IFNLR1: variants seen among roughly 807,000 people sequenced by gnomAD.
IFNLR1 encodes CRF2-12.
In IFNLR1, 28 loss-of-function variants were observed where a neutral mutation model predicts 52.5. That is an observed-to-expected ratio of 0.53 (90% confidence interval 0.40 to 0.73). IFNLR1 has a LOEUF of 0.73. IFNLR1 is among the 30% of genes least tolerant of loss of function. The probability of loss-of-function intolerance (pLI) is 0.00; values close to 1 mark genes in which losing one functional copy is unlikely to be tolerated. For synonymous variants in IFNLR1, 276 were observed against 274.9 expected (o/e 1.00, Z -0.04); for missense variants, 623 against 659.1 (o/e 0.95, Z 0.60).
intron 3 of IFNLR1, among the ~76,000 whole-genome samples, chr1:24,163,308 A>G (rs1354752416): frequency 6.6e-6 from 1 of 152,054 alleles, no homozygotes; most frequent in Non-Finnish European, 1.5e-5. Context: ...ACCTTAATCT[A>G]TTCATGGGGG....
chr1:24,171,800 GC>G (rs1644582301), intron 2 of IFNLR1, among the ~76,000 whole-genome samples: 1 of 151,846 alleles, frequency 6.6e-6, no homozygotes, highest in Non-Finnish European at 1.5e-5. Flanking sequence ...GGGATTACAG[GC>G]ACCTATCACC....
At chr1:24,181,724 G>A (rs971669875) in intron 1 of IFNLR1, among the ~76,000 whole-genome samples, 2 of 152,136 alleles carry the variant, frequency 1.3e-5, no homozygotes, top group South Asian at 4.1e-4. Context: ...GCCCAGGCCT[G>A]GTTTTCCCTG....
At chr1:24,161,438 TC>T in intron 4 of IFNLR1, 103 bp downstream of exon 4, 1 of 1,341,364 alleles carries the variant, frequency 7.5e-7, no homozygotes, top group Non-Finnish European at 1.0e-6. Context: ...AGGGAAGACT[TC>T]CTGGAGGAGG....
At chr1:24,163,438 T>C (rs1314478917) in intron 3 of IFNLR1, among the ~76,000 whole-genome samples, 1 of 152,170 alleles carries the variant, frequency 6.6e-6, no homozygotes, top group Non-Finnish European at 1.5e-5. Context: ...GTCTATAACG[T>C]TAATTAAGAT....
At chr1:24,163,178 T>A (rs1441680127) in intron 3 of IFNLR1, among the ~76,000 whole-genome samples, 1 of 151,740 alleles carries the variant, frequency 6.6e-6, no homozygotes, top group East Asian at 2.0e-4. Flanking sequence ...GCCAGGCTGG[T>A]CTCAAACAAC....
In IFNLR1 at chr1:24,169,576, C is replaced by G; in HGVS notation, c.208G>C (p.Glu70Gln). The G allele has an allele frequency of 6.2e-7, 1 of 1,613,884 alleles. No individual in the cohort carries two copies. The highest frequency in any genetic ancestry group is 8.5e-7 in the Non-Finnish European group (1 of 1,179,866). ...TTGGTTCCCGCACACTCTTCCACTT[C>G]GCGCCACCGTCTACGGGTGGGAGAG... ...QSSPTRRRWR[E>Q]VEECAGTKEL... The change falls in exon 3 of 7, where the codon GAA becomes CAA. Residue 70 changes from glutamate to glutamine, a missense_variant. Coordinates refer to ENST00000327535, the MANE Select transcript of IFNLR1 (RefSeq NM_170743.4).
chr1:24,167,514 A>T (rs767918089), intron 3 of IFNLR1, among the ~76,000 whole-genome samples: 3 of 151,586 alleles, frequency 2.0e-5, no homozygotes, highest in Non-Finnish European at 4.4e-5. Context: ...CCTCCTGAGT[A>T]GCTGGGACTA....
At chr1:24,164,293 C>T (rs1482521919) in intron 3 of IFNLR1, among the ~76,000 whole-genome samples, 1 of 152,188 alleles carries the variant, frequency 6.6e-6, no homozygotes, top group African/African-American at 2.4e-5. Flanking sequence ...GATATCCTTC[C>T]TTTTCACTAA....
intron 3 of IFNLR1, among the ~76,000 whole-genome samples, chr1:24,166,637 C>A (rs907960899): frequency 2.0e-5 from 3 of 152,170 alleles, no homozygotes; most frequent in African/African-American, 7.2e-5. Context: ...GCCTTGACCT[C>A]CTGGGCTCAA....
At chr1:24,187,125 G>T in intron 1 of IFNLR1, 66 bp downstream of exon 1, 1 of 1,123,960 alleles carries the variant, frequency 8.9e-7, no homozygotes, top group Non-Finnish European at 1.2e-6. Flanking sequence ...CTCCGGGTCC[G>T]AGGGTAGGCG....
Position 24,187,202 on chromosome 1 carries a change from T to C in IFNLR1, c.47A>G (p.Gln16Arg). 2 of 1,339,974 alleles carry C rather than the reference T, an allele frequency of 1.5e-6. No homozygotes were observed. The highest frequency in any genetic ancestry group is 1.9e-6 in the Non-Finnish European group (2 of 1,046,164). The allele number at this position is 1,339,974 out of a possible 1,614,324, so 83.0% of individuals were successfully genotyped here. Residue 16 changes from glutamine to arginine, a missense_variant, in exon 1 of 7, where the codon CAG (glutamine) becomes CGG (arginine). By Grantham distance (43) the Gln-to-Arg change is conservative. Transcript: ENST00000327535. ...CCCCGCGCCCTTACCTGGAGCGGCC[T>C]GCAGCAGGCACAGGAGCAGGGGGCC... is the stretch of plus-strand genomic sequence containing the variant. ...RWGPLLLCLL[Q>R]AAPGRPRLAP...
At position 24,157,154 on chromosome 1, in the gene IFNLR1, T is replaced by C; in HGVS notation, c.1539A>G (p.Thr513=). The C allele has an allele frequency of 1.2e-6, 2 of 1,612,642 alleles. No homozygotes were observed. The highest frequency in any genetic ancestry group is 2.2e-5 in the East Asian group (1 of 44,862). Reference sequence around the variant, plus strand: ...CTCACCTGGCCATGTAATGCCCCAATGTCCGGCCCCTGTCCTCGGTCCTCT... The same window carrying C: ...CTCACCTGGCCATGTAATGCCCCAACGTCCGGCCCCTGTCCTCGGTCCTCT... ...STQRTEDRGR[T]LGHYMAR The change falls in exon 7 of 7, where the codon ACA becomes ACG. Residue 513 remains threonine (T), a synonymous_variant. Coordinates refer to ENST00000327535, the MANE Select transcript of IFNLR1 (RefSeq NM_170743.4). This position sits in a 1 kb window ranked among gnomAD's most constrained non-coding sequence, Gnocchi z 5.1.
chr1:24,175,285 C>T (rs1325968284), intron 2 of IFNLR1, among the ~76,000 whole-genome samples: 1 of 152,238 alleles, frequency 6.6e-6, no homozygotes, highest in African/African-American at 2.4e-5. Flanking sequence ...AGGGTAGGGT[C>T]ACCACCCAGG....
At chr1:24,182,359 C>A (rs1017260940) in intron 1 of IFNLR1, among the ~76,000 whole-genome samples, 2 of 152,180 alleles carry the variant, frequency 1.3e-5, no homozygotes, top group Non-Finnish European at 2.9e-5. Flanking sequence ...GGTGGATGAT[C>A]ACTAAATCCA....
At chr1:24,177,993 T>G (rs1473666502) in intron 2 of IFNLR1, among the ~76,000 whole-genome samples, 2 of 152,142 alleles carry the variant, frequency 1.3e-5, no homozygotes, top group African/African-American at 4.8e-5. Flanking sequence ...TTAAAAATTA[T>G]GTACATGTAG....
chr1:24,177,044 C>T (rs35886597), intron 2 of IFNLR1, among the ~76,000 whole-genome samples: 1 of 151,964 alleles, frequency 6.6e-6, no homozygotes, highest in Non-Finnish European at 1.5e-5. Flanking sequence ...AATAAAAATG[C>T]CTTGGAACCA....
At chr1:24,177,259 A>C (rs943410620) in intron 2 of IFNLR1, among the ~76,000 whole-genome samples, 1 of 152,228 alleles carries the variant, frequency 6.6e-6, no homozygotes, top group Non-Finnish European at 1.5e-5. Flanking sequence ...ACACGATCAC[A>C]AGGCGAAGTC....
In IFNLR1 at chr1:24,157,590, C is replaced by T. The variant is rs770831697; in HGVS notation, c.1103G>A (p.Gly368Glu). The change falls in exon 7 of 7, where the codon GGG becomes GAG. Residue 368 changes from glycine to glutamate, a missense_variant. Gly to Glu is a moderately conservative substitution (Grantham distance 98). Coordinates refer to ENST00000327535, the MANE Select transcript of IFNLR1 (RefSeq NM_170743.4). This position sits in a 1 kb window ranked among gnomAD's most constrained non-coding sequence, Gnocchi z 5.1. The stretch of plus-strand genomic sequence containing the variant: ...TGGGACCAGAGGAGCCCTGGGCCTC[C>T]CTGAGTCCACCCCACCAGCCTCCGA... ...GHSEAGGVDS[G>E]RPRAPLVPSE... is the part of the protein sequence containing the mutation. 3.7e-6 allele frequency: 6 copies of T among 1,611,186 alleles called. No individual in the cohort carries two copies. Among genetic ancestry groups the T allele is most frequent in the African/African-American group, 1.3e-5 (1 of 74,914 alleles).
chr1:24,168,915 TG>T (rs1644548513), intron 3 of IFNLR1, among the ~76,000 whole-genome samples: 1 of 152,156 alleles, frequency 6.6e-6, no homozygotes, highest in Admixed American at 6.5e-5. Context: ...GGCTAATTTT[TG>T]TATTTTTAGT....
Sources: gnomAD v4.1 joint callset for allele counts (sites outside exome capture counted in the v4.1 genomes callset) on GRCh38, gnomAD v4.1.1 for gene constraint, Gnocchi (gnomAD v3.1) non-coding constraint, MANE v1.5 for transcripts, NCBI Gene and HGNC (gene_info 2026-07-23, HGNC 2026-07-21) for gene names.